Variants in CDK13 observed in about 807,000 individuals in gnomAD.
The protein encoded by CDK13 is cyclin dependent kinase 13.
A neutral mutation model predicts 137.6 loss-of-function variants in CDK13; 40 were observed. That is an observed-to-expected ratio of 0.29 (90% CI 0.23 to 0.38). The LOEUF (loss-of-function observed/expected upper bound fraction) is 0.38. CDK13 is among the 10% of genes least tolerant of loss of function. The pLI, the probability that CDK13 is intolerant of heterozygous loss-of-function variation, is 1.00. For missense variants in CDK13, 1,704 were observed against 1,951.8 expected (o/e 0.87, Z 2.39); for synonymous variants, 869 against 760.1 (o/e 1.14, Z -2.36).
chr7:39,970,262 G>T (rs137956376), intron 1 of CDK13, among the ~76,000 whole-genome samples: 156 of 151,998 alleles, frequency 1.0e-3, no homozygotes, highest in African/African-American at 3.5e-3. Flanking sequence ...CTCCCAAAGT[G>T]CTGGGATTAC....
intron 5 of CDK13, among the ~76,000 whole-genome samples, chr7:40,023,830 C>T (rs551379796): frequency 2.6e-5 from 4 of 152,304 alleles, no homozygotes; most frequent in East Asian, 3.9e-4. Flanking sequence ...AGAATCATTA[C>T]AGCCATCTAG....
intron 9 of CDK13, among the ~76,000 whole-genome samples, chr7:40,064,836 G>A (rs1366913466): frequency 6.8e-6 from 1 of 147,282 alleles, no homozygotes; most frequent in Non-Finnish European, 1.5e-5. Context: ...TTGTTGCCTA[G>A]GCTGGAGTGC....
chr7:39,989,186 C>T (rs890295065), intron 2 of CDK13, among the ~76,000 whole-genome samples: 11 of 146,354 alleles, frequency 7.5e-5, no homozygotes, highest in Non-Finnish European at 1.5e-4. Context: ...GAGGGTATGG[C>T]TTATTTTTTA....
At chr7:40,041,338 TAAACA>T (rs765701095) in intron 5 of CDK13, among the ~76,000 whole-genome samples, 5 of 152,226 alleles carry the variant, frequency 3.3e-5, no homozygotes, top group East Asian at 1.9e-4. Context: ...AAAAACCAAC[TAAACA>T]AATAATACAT....
At chr7:40,018,620 C>CTGGA (rs1301973261) in intron 5 of CDK13, among the ~76,000 whole-genome samples, 1 of 152,116 alleles carries the variant, frequency 6.6e-6, no homozygotes, top group Non-Finnish European at 1.5e-5. Context: ...TTGGATGGAA[C>CTGGA]TGGAGGCCAT....
chr7:40,088,864 G>A (rs929426904), intron 12 of CDK13, among the ~76,000 whole-genome samples: 1 of 152,122 alleles, frequency 6.6e-6, no homozygotes, highest in Non-Finnish European at 1.5e-5. Flanking sequence ...TGGATCACCT[G>A]AGATCAGGAG....
chr7:40,078,874 A>G, intron 11 of CDK13, 23 bp downstream of exon 11: 2 of 874,336 alleles, frequency 2.3e-6, no homozygotes, highest in East Asian at 5.1e-5. Flanking sequence ...TTATCCTATT[A>G]TTATTATATA....
chr7:40,056,241 G>A (rs1259999909), intron 7 of CDK13, among the ~76,000 whole-genome samples: 3 of 152,096 alleles, frequency 2.0e-5, no homozygotes, highest in African/African-American at 7.2e-5. Context: ...TACCTATTAT[G>A]CAAAATTTTT....
In CDK13 at chr7:40,003,194, A is replaced by T. The variant is rs1171892256; in HGVS notation, c.2353+1163A>T. 5.5e-3 allele frequency among the ~76,000 whole-genome samples: 555 copies of T among 101,102 alleles called. 5 individuals are homozygous for T. Among genetic ancestry groups the T allele is most frequent in the African/African-American group, 0.019 (499 of 25,838 alleles). The allele number at this position is 101,102 out of a possible 152,430, so 66.3% of individuals were successfully genotyped here. The stretch of plus-strand genomic sequence containing the variant: ...CACACACACACACACACACACACAC[A>T]CACACACACACACTCTCTCTCTCTC... On this transcript the variant is annotated intron_variant, in intron 5 of 13. Transcript: ENST00000181839.
chr7:40,087,616 T>G (rs542032039), intron 11 of CDK13, among the ~76,000 whole-genome samples: 445 of 141,832 alleles, frequency 3.1e-3, no homozygotes, highest in Non-Finnish European at 5.1e-3. Flanking sequence ...TGGCGCAATC[T>G]CGGCTCACCG....
intron 9 of CDK13, chr7:40,072,827 A>C (rs1786452554): frequency 1.3e-5 from 2 of 152,224 alleles, no homozygotes; most frequent in South Asian, 4.1e-4. Context: ...ATAATGATGA[A>C]TATGTATTAG....
intron 1 of CDK13, among the ~76,000 whole-genome samples, chr7:39,953,897 C>T (rs1437687203): frequency 2.0e-5 from 3 of 152,140 alleles, no homozygotes; most frequent in Non-Finnish European, 4.4e-5. Context: ...TTAGCAAGAT[C>T]CTTGAAGACT....
chr7:39,977,517 G>A (rs17537782), intron 1 of CDK13, among the ~76,000 whole-genome samples: 3 of 152,292 alleles, frequency 2.0e-5, no homozygotes, highest in Admixed American at 6.5e-5. Flanking sequence ...TAGCTGACTG[G>A]CGTAATAAGA....
chr7:40,032,990 G>A (rs1239328104), intron 5 of CDK13, among the ~76,000 whole-genome samples: 1 of 152,166 alleles, frequency 6.6e-6, no homozygotes, highest in Admixed American at 6.5e-5. Flanking sequence ...AAGAACTGAC[G>A]TCTTGACAGT....
chr7:40,072,946 A>T (rs907891513), intron 9 of CDK13: 2 of 152,224 alleles, frequency 1.3e-5, no homozygotes, highest in African/African-American at 2.4e-5. Flanking sequence ...GCACTCTTAG[A>T]ATATAAAAGC....
chr7:40,050,740 G>C (rs200475759), intron 7 of CDK13, among the ~76,000 whole-genome samples: 1 of 152,164 alleles, frequency 6.6e-6, no homozygotes, highest in East Asian at 1.9e-4. Context: ...TTTTGGGCAA[G>C]TTCTGGTTAA....
chr7:39,952,877 C>T (rs910041383), intron 1 of CDK13: 10 of 152,130 alleles, frequency 6.6e-5, no homozygotes, highest in African/African-American at 4.8e-5. Context: ...TTAAAATATA[C>T]TTATCCACTA....
At chr7:39,951,880 G>T in intron 1 of CDK13, 28 bp downstream of exon 1, 2 of 1,336,372 alleles carry the variant, frequency 1.5e-6, no homozygotes, top group East Asian at 2.8e-5. Flanking sequence ...GCCTGTGTGT[G>T]CCTTGGCTGC....
chr7:40,044,476 G>A (rs576048662), intron 5 of CDK13, among the ~76,000 whole-genome samples: 16 of 151,676 alleles, frequency 1.1e-4, no homozygotes, highest in African/African-American at 3.6e-4. Flanking sequence ...ACACCACCAC[G>A]CCAGGCTAAT....
Sources: gnomAD v4.1 joint callset for allele counts (sites outside exome capture counted in the v4.1 genomes callset) on GRCh38, gnomAD v4.1.1 for gene constraint, MANE v1.5 for transcripts, NCBI Gene and HGNC (gene_info 2026-07-23, HGNC 2026-07-21) for gene names.